Variants in TRHDE observed in about 807,000 individuals in gnomAD.
TRHDE encodes the protein thyrotropin-releasing hormone-degrading ectoenzyme.
A neutral mutation model predicts 125.7 loss-of-function variants in TRHDE; 72 were observed. The ratio of observed to expected loss-of-function variants is 0.57; its 90% CI spans 0.47 to 0.70. The LOEUF (loss-of-function observed/expected upper bound fraction) is 0.70. TRHDE is among the 30% of genes least tolerant of loss of function. The pLI, the probability that TRHDE is intolerant of heterozygous loss-of-function variation, is 0.00. For missense variants in TRHDE, 1,110 were observed against 1,327.1 expected (o/e 0.84, Z 2.54); for synonymous variants, 509 against 509.1 (o/e 1.00, Z 0.00).
chr12:72,519,859 A>G (rs1249447000), intron 6 of TRHDE, among the ~76,000 whole-genome samples: 1 of 152,028 alleles, frequency 6.6e-6, no homozygotes, highest in Non-Finnish European at 1.5e-5. Context: ...TTTTCCTTCT[A>G]ACAGACAGGA....
intron 2 of TRHDE, among the ~76,000 whole-genome samples, chr12:72,363,051 C>T (rs1871177259): frequency 6.6e-6 from 1 of 151,976 alleles, no homozygotes; most frequent in African/African-American, 2.4e-5. Context: ...GATGCAGGCT[C>T]TTTTTTGGTT....
chr12:72,261,595 T>G (rs1878952054), intron 2 of TRHDE, among the ~76,000 whole-genome samples: 1 of 152,190 alleles, frequency 6.6e-6, no homozygotes, highest in Non-Finnish European at 1.5e-5. Context: ...GTAAGCTCTC[T>G]TTTATAGCTG....
chr12:72,575,206 CATTTT>C (rs1870933501), intron 10 of TRHDE, 44 bp from the exon 11 acceptor site: 2 of 1,582,786 alleles, frequency 1.3e-6, no homozygotes, highest in Non-Finnish European at 1.7e-6. Context: ...TACTTCATTT[CATTTT>C]AACTCTTAAA....
chr12:72,427,286 G>T (rs1381576902), intron 3 of TRHDE, among the ~76,000 whole-genome samples: 1 of 151,968 alleles, frequency 6.6e-6, no homozygotes, highest in Non-Finnish European at 1.5e-5. Flanking sequence ...GATCTACAAG[G>T]GGCCCTGATT....
chr12:72,476,248 T>C (rs116731634), intron 5 of TRHDE, among the ~76,000 whole-genome samples: 1,542 of 152,282 alleles, frequency 0.01, 32 homozygotes, highest in African/African-American at 0.034. Context: ...CTTTCTGCTA[T>C]TTGATTGCTT....
chr12:72,319,213 C>G (rs1268090182), intron 2 of TRHDE, among the ~76,000 whole-genome samples: 1 of 152,086 alleles, frequency 6.6e-6, no homozygotes, highest in Non-Finnish European at 1.5e-5. Context: ...AGTGCTGTAG[C>G]CTTCGTTGCT....
chr12:72,445,650 C>T (rs1875240049), intron 3 of TRHDE, among the ~76,000 whole-genome samples: 1 of 151,814 alleles, frequency 6.6e-6, no homozygotes, highest in Admixed American at 6.6e-5. Flanking sequence ...AGAGGATTTC[C>T]ACTGATTTAT....
chr12:72,238,033 T>A (rs1297487693), intron 2 of TRHDE, among the ~76,000 whole-genome samples: 2 of 151,786 alleles, frequency 1.3e-5, no homozygotes, highest in Non-Finnish European at 2.9e-5. Flanking sequence ...TTAGTGGCCC[T>A]GAAAGCCATG....
chr12:72,103,209 G>C (rs995918411), intron 1 of TRHDE, among the ~76,000 whole-genome samples: 1 of 152,194 alleles, frequency 6.6e-6, no homozygotes, highest in Non-Finnish European at 1.5e-5. Flanking sequence ...AAGTGTCTTG[G>C]TTTGAAAAGT....
At chr12:72,431,642 G>GT (rs112894989) in intron 3 of TRHDE, 17,052 of 145,312 alleles carry the variant, frequency 0.12, 1,274 homozygotes, top group African/African-American at 0.2. Context: ...GGAAGAAGAG[G>GT]TTTTTTTTTT....
Position 72,378,020 on chromosome 12 carries a change from C to T in TRHDE, c.1214C>T (p.Ala405Val), listed in dbSNP as rs746050557. 5 of 1,596,608 alleles carry T rather than the reference C, an allele frequency of 3.1e-6. No individual in the cohort carries two copies. Among genetic ancestry groups the T allele is most frequent in the Non-Finnish European group, 4.3e-6 (5 of 1,172,416 alleles). Residue 405 changes from alanine to valine, a missense_variant, in exon 3 of 19, where the codon GCT becomes GTT. Ala to Val is a moderately conservative substitution (Grantham distance 64, BLOSUM62 0). Transcript: ENST00000261180. ...GTACGATTATATGCAAGACCTGATG[C>T]TATCAGAAGAGGATCCGGGGACTAT... ...VVVRLYARPDAIRRGSGDYAL... is the reference protein window; with the variant it reads ...VVVRLYARPDVIRRGSGDYAL...
rs1477795329 is a variant in TRHDE at position 72,528,582 on chromosome 12, G to A, written c.1723-13709G>A. ...CAGCTCACTGCAACCTCCACCTGCC[G>A]GGTTCAAGTAATTCTCCTGCCTCAT... On this transcript the variant is annotated intron_variant, in intron 6 of 18. Coordinates refer to ENST00000261180, the MANE Select transcript of TRHDE (RefSeq NM_013381.3). Among the ~76,000 whole-genome samples, 12 of 152,050 alleles carry A rather than the reference G, an allele frequency of 7.9e-5. No individual in the cohort carries two copies. The East Asian group carries it at 1.9e-3, about 25-fold the overall frequency.
At chr12:72,517,129 GCT>G (rs1270515853) in intron 6 of TRHDE, among the ~76,000 whole-genome samples, 10 of 151,638 alleles carry the variant, frequency 6.6e-5, no homozygotes, top group Admixed American at 1.3e-4. Flanking sequence ...TCTCTGCCAG[GCT>G]TTGGTATCAG....
At chr12:72,532,162 T>C (rs1224606799) in intron 6 of TRHDE, among the ~76,000 whole-genome samples, 1 of 151,990 alleles carries the variant, frequency 6.6e-6, no homozygotes, top group East Asian at 1.9e-4. Flanking sequence ...TTTTCTTGTT[T>C]TGTTTTATAA....
chr12:72,561,942 A>T, intron 7 of TRHDE, among the ~76,000 whole-genome samples: 1 of 152,296 alleles, frequency 6.6e-6, no homozygotes, highest in South Asian at 2.1e-4. Flanking sequence ...TATTATAGTT[A>T]TGAAAATGAT....
At chr12:72,488,173 C>A (rs183528833) in intron 5 of TRHDE, among the ~76,000 whole-genome samples, 101 of 152,114 alleles carry the variant, frequency 6.6e-4, no homozygotes, top group Middle Eastern at 3.4e-3. Context: ...TCAATAATAA[C>A]CTTGACTGTA....
At chr12:72,447,593 G>A (rs543922299) in intron 3 of TRHDE, among the ~76,000 whole-genome samples, 15 of 152,100 alleles carry the variant, frequency 9.9e-5, no homozygotes, top group African/African-American at 3.4e-4. Flanking sequence ...ATGAAACCCT[G>A]ATGGTGACTC....
At chr12:72,561,778 T>G (rs1870189341) in intron 7 of TRHDE, among the ~76,000 whole-genome samples, 1 of 152,180 alleles carries the variant, frequency 6.6e-6, no homozygotes, top group Non-Finnish European at 1.5e-5. Flanking sequence ...CTTTCTTTTT[T>G]TCATAAAATA....
At chr12:72,482,303 C>A (rs1877210414) in intron 5 of TRHDE, among the ~76,000 whole-genome samples, 1 of 151,634 alleles carries the variant, frequency 6.6e-6, no homozygotes, top group Non-Finnish European at 1.5e-5. Context: ...TCAGAAGTAG[C>A]TTTTTTACAG....
Sources: gnomAD v4.1 joint callset for allele counts (sites outside exome capture counted in the v4.1 genomes callset) on GRCh38, gnomAD v4.1.1 for gene constraint, MANE v1.5 for transcripts, NCBI Gene and HGNC (gene_info 2026-07-23, HGNC 2026-07-21) for gene names.